The following PCDH9 variants were observed in gnomAD, a reference collection of about 807,000 sequenced individuals.
The protein encoded by PCDH9 is protocadherin-9.
A neutral mutation model predicts 70.6 loss-of-function variants in PCDH9; 24 were observed. The observed-to-expected ratio is 0.34, with a 90% CI of 0.25 to 0.48. The LOEUF is 0.48. Ranked by LOEUF, PCDH9 falls within the 20% of genes least tolerant of loss-of-function variation. The pLI, the probability that PCDH9 is intolerant of heterozygous loss-of-function variation, is 0.99. For synonymous variants in PCDH9, 562 were observed against 558.5 expected, an observed-to-expected ratio of 1.01 and a Z score of -0.09; for missense variants, 1,281 against 1,503.6, an observed-to-expected ratio of 0.85 and a Z score of 2.45.
intron 3 of PCDH9, among the ~76,000 whole-genome samples, chr13:66,698,851 T>C (rs113387722): frequency 4.0e-5 from 6 of 151,670 alleles, no homozygotes; most frequent in African/African-American, 1.5e-4. Context: ...CTTTCCTAAG[T>C]TTTGAGATTA....
At chr13:67,027,763 T>C (rs1318011419) in intron 2 of PCDH9, among the ~76,000 whole-genome samples, 3 of 151,230 alleles carry the variant, frequency 2.0e-5, no homozygotes, top group East Asian at 1.9e-4. Context: ...GTGAAGGACA[T>C]GAACAGACAC....
chr13:67,143,623 A>G (rs1460797977), intron 2 of PCDH9, among the ~76,000 whole-genome samples: 1 of 152,150 alleles, frequency 6.6e-6, no homozygotes, highest in Non-Finnish European at 1.5e-5. Context: ...TATATTGAAA[A>G]AAGTAGGAGA....
intron 3 of PCDH9, among the ~76,000 whole-genome samples, chr13:66,799,402 C>T (rs2080293378): frequency 6.6e-6 from 1 of 152,078 alleles, no homozygotes. Context: ...TATCACTTAA[C>T]AAAATCTTTC....
intron 4 of PCDH9, among the ~76,000 whole-genome samples, chr13:66,382,390 T>A (rs1442565291): frequency 1.3e-5 from 2 of 151,748 alleles, no homozygotes; most frequent in East Asian, 1.9e-4. Context: ...GCAGGGTTGG[T>A]GGTTACTCAG....
intron 3 of PCDH9, among the ~76,000 whole-genome samples, chr13:66,776,784 A>C (rs965679121): frequency 2.7e-5 from 4 of 148,494 alleles, no homozygotes; most frequent in African/African-American, 9.9e-5. Flanking sequence ...AACTACTTTA[A>C]AGTTCATATG....
chr13:66,950,542 T>C (rs1291491196), intron 2 of PCDH9, among the ~76,000 whole-genome samples: 1 of 152,104 alleles, frequency 6.6e-6, no homozygotes, highest in Non-Finnish European at 1.5e-5. Flanking sequence ...TTAGCTTTTG[T>C]TCTGGGAAAA....
intron 2 of PCDH9, among the ~76,000 whole-genome samples, chr13:67,113,921 C>G (rs2086710111): frequency 6.6e-6 from 1 of 152,162 alleles, no homozygotes. Flanking sequence ...CCGGCTGGAG[C>G]TAACTAGAAG....
At chr13:66,724,172 A>C (rs546791292) in intron 3 of PCDH9, among the ~76,000 whole-genome samples, 1 of 152,342 alleles carries the variant, frequency 6.6e-6, no homozygotes, top group South Asian at 2.1e-4. Flanking sequence ...GCATCGCTAC[A>C]TAACAATCTA....
chr13:66,689,695 C>T (rs1298317999), intron 3 of PCDH9, among the ~76,000 whole-genome samples: 1 of 152,048 alleles, frequency 6.6e-6, no homozygotes, highest in Non-Finnish European at 1.5e-5. Flanking sequence ...AAATTAACCT[C>T]AAAAAGGTAT....
In PCDH9 at chr13:66,322,053, T is replaced by TGG. The variant is rs369636458; in HGVS notation, c.3341-17027_3341-17026dup. 1.3e-3 allele frequency among the ~76,000 whole-genome samples: 203 copies of TGG among 151,284 alleles called. 2 individuals carry two copies. Among genetic ancestry groups the TGG allele is most frequent in the East Asian group, 6.8e-3 (35 of 5,148 alleles). On this transcript the variant is annotated intron_variant, in intron 4 of 4. Transcript: ENST00000377865. Reference sequence around the variant, plus strand: ...GCCATACATTGTATATTTGGATGCATGGGGGGGGTGTGATTATTATCATTA... The same window carrying TGG: ...GCCATACATTGTATATTTGGATGCATGGGGGGGGGGTGTGATTATTATCATTA...
intron 2 of PCDH9, among the ~76,000 whole-genome samples, chr13:66,934,924 G>T (rs1188751531): frequency 2.0e-5 from 3 of 150,486 alleles, no homozygotes; most frequent in East Asian, 2.0e-4. Flanking sequence ...GTTTCACCGT[G>T]TTAGCCAGGA....
At chr13:66,747,603 T>G (rs569304006) in intron 3 of PCDH9, among the ~76,000 whole-genome samples, 3 of 152,262 alleles carry the variant, frequency 2.0e-5, no homozygotes, top group Admixed American at 1.3e-4. Context: ...GGTGCTTTTT[T>G]CTTCCAAAAA....
At chr13:66,901,035 G>T (rs2082268502) in intron 3 of PCDH9, among the ~76,000 whole-genome samples, 1 of 151,298 alleles carries the variant, frequency 6.6e-6, no homozygotes, top group Admixed American at 6.6e-5. Context: ...TAAAAAAGTG[G>T]TTACTAAAAC....
At chr13:66,858,033 C>T (rs111879411) in intron 3 of PCDH9, among the ~76,000 whole-genome samples, 191 of 152,234 alleles carry the variant, frequency 1.3e-3, no homozygotes, top group African/African-American at 4.4e-3. Flanking sequence ...GTGGAATCTT[C>T]CTTTCATCAA....
At chr13:66,522,102 A>G (rs1459352358) in intron 4 of PCDH9, among the ~76,000 whole-genome samples, 2 of 149,900 alleles carry the variant, frequency 1.3e-5, no homozygotes, top group Non-Finnish European at 3.0e-5. Context: ...TAAGGCAGTC[A>G]AATTTCCTCC....
At chr13:66,743,039 G>A (rs772562783) in intron 3 of PCDH9, among the ~76,000 whole-genome samples, 4,325 of 87,464 alleles carry the variant, frequency 0.049, 401 homozygotes, top group African/African-American at 0.13. Context: ...AAAGACACAC[G>A]CACACGTATG....
At chr13:66,722,404 T>G (rs1358669041) in intron 3 of PCDH9, among the ~76,000 whole-genome samples, 2 of 152,094 alleles carry the variant, frequency 1.3e-5, no homozygotes, top group Non-Finnish European at 2.9e-5. Flanking sequence ...CGCAAAGAGA[T>G]TGAGCTTGTT....
chr13:66,681,487 A>G (rs1029774111), intron 3 of PCDH9, among the ~76,000 whole-genome samples: 2 of 152,094 alleles, frequency 1.3e-5, no homozygotes, highest in African/African-American at 4.8e-5. Context: ...AAAATGCTTA[A>G]CAGGACTTAT....
chr13:67,053,685 G>A (rs1270827867), intron 2 of PCDH9, among the ~76,000 whole-genome samples: 1 of 152,112 alleles, frequency 6.6e-6, no homozygotes, highest in Non-Finnish European at 1.5e-5. Context: ...GTAGAATAAG[G>A]TGTATGATTT....
Sources: gnomAD v4.1 joint callset for allele counts (sites outside exome capture counted in the v4.1 genomes callset) on GRCh38, gnomAD v4.1.1 for gene constraint, MANE v1.5 for transcripts, NCBI Gene and HGNC (gene_info 2026-07-23, HGNC 2026-07-21) for gene names.